WDPCP: variants seen among roughly 807,000 people sequenced by gnomAD.
The protein encoded by WDPCP is WD repeat-containing and planar cell polarity effector protein fritz homolog.
A neutral mutation model predicts 93.1 loss-of-function variants in WDPCP; 71 were observed. That is an observed-to-expected ratio of 0.76 (90% CI 0.63 to 0.93). The LOEUF (loss-of-function observed/expected upper bound fraction) is 0.93, where lower values mean the gene tolerates loss of function less well. Among genes scored for constraint, WDPCP ranks in the 40% least tolerant of loss-of-function variants. WDPCP has a pLI of 0.00. For missense variants in WDPCP, 844 were observed against 887.4 expected, an observed-to-expected ratio of 0.95 and a Z score of 0.62; for synonymous variants, 315 against 315.0, an observed-to-expected ratio of 1.00 and a Z score of 0.00.
At chr2:63,440,028 G>A in intron 6 of WDPCP, 157 bp from the exon 7 acceptor site, 1 of 612,936 alleles carries the variant, frequency 1.6e-6, no homozygotes, top group South Asian at 2.0e-5. Flanking sequence ...AACAATTACT[G>A]ACATTGTGAG....
intron 10 of WDPCP, among the ~76,000 whole-genome samples, chr2:63,397,433 G>T (rs1230713584): frequency 6.6e-6 from 1 of 152,154 alleles, no homozygotes; most frequent in Non-Finnish European, 1.5e-5. Context: ...TATTCAGCAA[G>T]CCAGATGAAT....
chr2:63,816,588 G>T (rs1372039548), intron 1 of WDPCP, among the ~76,000 whole-genome samples: 1 of 152,138 alleles, frequency 6.6e-6, no homozygotes, highest in East Asian at 1.9e-4. Context: ...AAGAAAGGAA[G>T]GATTATCCCC....
intron 14 of WDPCP, among the ~76,000 whole-genome samples, chr2:63,202,762 C>T (rs540421913): frequency 1.5e-4 from 23 of 152,204 alleles, no homozygotes; most frequent in African/African-American, 3.9e-4. Context: ...ACCAAGACTG[C>T]GCATCACATT....
intron 14 of WDPCP, among the ~76,000 whole-genome samples, chr2:63,215,802 A>G (rs1283348734): frequency 1.3e-5 from 2 of 152,236 alleles, no homozygotes; most frequent in African/African-American, 2.4e-5. Context: ...AATTTTTGCA[A>G]TCTACTCATC....
intron 1 of WDPCP, among the ~76,000 whole-genome samples, chr2:63,529,544 C>T (rs1036312014): frequency 1.3e-5 from 2 of 152,180 alleles, no homozygotes; most frequent in African/African-American, 4.8e-5. Context: ...TTGAACCAGG[C>T]TTGCATCCCA....
At chr2:63,203,068 A>G (rs1676043922) in intron 14 of WDPCP, among the ~76,000 whole-genome samples, 2 of 152,170 alleles carry the variant, frequency 1.3e-5, no homozygotes, top group South Asian at 4.1e-4. Flanking sequence ...GTGTGTGTAT[A>G]AACTTTTAAT....
At chr2:63,431,486 T>A (rs1320585995) in intron 9 of WDPCP, among the ~76,000 whole-genome samples, 1 of 152,052 alleles carries the variant, frequency 6.6e-6, no homozygotes, top group Non-Finnish European at 1.5e-5. Flanking sequence ...TAGTTTGAAT[T>A]TTAGGGTTTA....
At chr2:63,435,462 C>T (rs530092906) in intron 8 of WDPCP, among the ~76,000 whole-genome samples, 2 of 152,086 alleles carry the variant, frequency 1.3e-5, no homozygotes, top group Non-Finnish European at 2.9e-5. Flanking sequence ...GAGAGAAATA[C>T]CACGATGAAA....
chr2:63,142,703 T>C (rs1163912316), intron 17 of WDPCP, among the ~76,000 whole-genome samples: 2 of 152,122 alleles, frequency 1.3e-5, no homozygotes, highest in African/African-American at 4.8e-5. Flanking sequence ...TGATGTCCTG[T>C]CTAGTGCTGT....
At chr2:63,505,833 C>T (rs1392221671) in intron 1 of WDPCP, among the ~76,000 whole-genome samples, 4 of 152,034 alleles carry the variant, frequency 2.6e-5, no homozygotes, top group African/African-American at 9.7e-5. Context: ...CCATGCTAGG[C>T]ATTCACAATA....
At chr2:63,175,338 T>A (rs951023202) in intron 14 of WDPCP, among the ~76,000 whole-genome samples, 3 of 152,148 alleles carry the variant, frequency 2.0e-5, no homozygotes, top group Non-Finnish European at 4.4e-5. Context: ...TGACAGGGCA[T>A]TGTTTAAAAA....
rs1669428395 is a variant in WDPCP, at chr2:63,722,255, C to A, written n.309-71417G>T. On this transcript the variant is annotated intron_variant and non_coding_transcript_variant, in intron 2 of 4. Transcript: ENST00000467687. Reference sequence around the variant, plus strand: ...GTCTGGAAAGTGAGGAGCGTCTCCGCCCGGCCGCCATCCCACCTAGGAAGT... The same window carrying A: ...GTCTGGAAAGTGAGGAGCGTCTCCGACCGGCCGCCATCCCACCTAGGAAGT... Among the ~76,000 whole-genome samples, 6 of 151,574 alleles carry A rather than the reference C, an allele frequency of 4.0e-5. No individual in the cohort carries two copies. In the South Asian group the frequency reaches 1.3e-3, roughly 32 times the overall value.
At chr2:63,806,739 G>C (rs1196454936) in intron 2 of WDPCP, among the ~76,000 whole-genome samples, 3 of 152,150 alleles carry the variant, frequency 2.0e-5, no homozygotes, top group Non-Finnish European at 4.4e-5. Flanking sequence ...CTGAGAAAAA[G>C]AGTTCGGCGA....
chr2:63,427,321 T>G (rs1302391451), intron 9 of WDPCP, among the ~76,000 whole-genome samples: 1 of 152,156 alleles, frequency 6.6e-6, no homozygotes, highest in Non-Finnish European at 1.5e-5. Flanking sequence ...ACTGAAAAAC[T>G]GACAACCTCC....
intron 17 of WDPCP, among the ~76,000 whole-genome samples, chr2:63,151,364 A>G (rs192561632): frequency 2.6e-4 from 39 of 152,226 alleles, no homozygotes; most frequent in African/African-American, 8.4e-4. Flanking sequence ...AGCTGTGACT[A>G]CAGGTACACG....
At chr2:63,568,262 G>C (rs997459556) in intron 1 of WDPCP, among the ~76,000 whole-genome samples, 7 of 151,588 alleles carry the variant, frequency 4.6e-5, no homozygotes, top group African/African-American at 1.7e-4. Context: ...AGAATAAAAG[G>C]AAACAAGTTT....
chr2:63,612,565 C>T (rs1185446719), intron 3 of WDPCP, among the ~76,000 whole-genome samples: 1 of 152,196 alleles, frequency 6.6e-6, no homozygotes, highest in Non-Finnish European at 1.5e-5. Flanking sequence ...TTGGCACTGA[C>T]ATGGACATAT....
At chr2:63,575,387 A>G (rs1280083995) in intron 1 of WDPCP, among the ~76,000 whole-genome samples, 3 of 114,000 alleles carry the variant, frequency 2.6e-5, no homozygotes, top group African/African-American at 9.6e-5. Context: ...CAGTATATAC[A>G]CGGTATATAC....
At chr2:63,529,081 C>T (rs184200076) in intron 1 of WDPCP, among the ~76,000 whole-genome samples, 3,593 of 152,226 alleles carry the variant, frequency 0.024, 53 homozygotes, top group African/African-American at 0.03. Context: ...TGAGACTTTG[C>T]TGAAGTTGCT....
Sources: allele counts gnomAD v4.1 joint callset (sites outside exome capture counted in the v4.1 genomes callset), GRCh38; gene constraint gnomAD v4.1.1; transcripts MANE v1.5; gene names NCBI Gene and HGNC (gene_info 2026-07-23, HGNC 2026-07-21).